The following PRDM16 variants were observed in gnomAD, a reference collection of about 807,000 sequenced individuals.
PRDM16 encodes PR/SET domain 16, also known as histone-lysine N-methyltransferase PRDM16.
Under a neutral mutation model 110.6 loss-of-function variants are expected in PRDM16, and 23 were observed. That is an observed-to-expected ratio of 0.21 (90% CI 0.15 to 0.29). The LOEUF (loss-of-function observed/expected upper bound fraction) is 0.29. Among genes scored for constraint, PRDM16 ranks in the 10% least tolerant of loss-of-function variants. PRDM16 has a pLI of 1.00. For synonymous variants in PRDM16, 799 were observed against 781.8 expected, an observed-to-expected ratio of 1.02 and a Z score of -0.37; for missense variants, 1,615 against 1,794.3, an observed-to-expected ratio of 0.90 and a Z score of 1.81.
Position 3,206,912 on chromosome 1 carries a change from C to T in PRDM16, c.387+20438C>T, listed in dbSNP as rs1291495816. On this transcript the variant is annotated intron_variant, in intron 2 of 16. Transcript: ENST00000270722. This position sits in a 1 kb window ranked among gnomAD's most constrained non-coding sequence, Gnocchi z 4.9. ...GATGAAAGGAGGAGGGGCGGTCGGCCCAGGAAGCAGGGCGGGCAGACGGCG... is the reference window on the plus strand; with the variant it reads ...GATGAAAGGAGGAGGGGCGGTCGGCTCAGGAAGCAGGGCGGGCAGACGGCG... 2.0e-5 allele frequency: 3 copies of T among 152,508 alleles called. No individual in the cohort carries two copies. In the East Asian group the frequency reaches 5.8e-4, roughly 29 times the overall value. The allele number at this position is 152,508 out of a possible 1,614,324, so 9.4% of individuals were successfully genotyped here.
At chr1:3,124,044 C>T (rs570417528) in intron 1 of PRDM16, among the ~76,000 whole-genome samples, 4 of 152,344 alleles carry the variant, frequency 2.6e-5, no homozygotes, top group South Asian at 2.1e-4. Context: ...CTCTCTCTGA[C>T]GCTGCCTTTG....
intron 3 of PRDM16, among the ~76,000 whole-genome samples, chr1:3,366,314 G>T (rs749965114): frequency 1.3e-5 from 2 of 152,228 alleles, no homozygotes; most frequent in African/African-American, 4.8e-5. Context: ...TCCGGGACGC[G>T]CTGATGTCCT....
intron 1 of PRDM16, among the ~76,000 whole-genome samples, chr1:3,158,125 A>C (rs1643872034): frequency 6.6e-6 from 1 of 152,188 alleles, no homozygotes; most frequent in South Asian, 2.1e-4. Context: ...TACCTGATAC[A>C]CGGTTGTGCC....
At position 3,353,040 on chromosome 1, in the gene PRDM16, G is replaced by T. The variant is rs1271361655; in HGVS notation, c.439-32112G>T. Among the ~76,000 whole-genome samples, 1 of 152,202 alleles carries T rather than the reference G, an allele frequency of 6.6e-6. No homozygotes were observed. The highest frequency in any genetic ancestry group is 1.5e-5 in the Non-Finnish European group (1 of 68,036). ...GGCTGTTTCAGAGCAGTGCCCTGAG[G>T]AGGACCAGGCCTGGGGCTCTGGAGC... On this transcript the variant is annotated intron_variant, in intron 3 of 16. Coordinates refer to ENST00000270722, the MANE Select transcript of PRDM16 (RefSeq NM_022114.4). This position sits in a 1 kb window ranked among gnomAD's most constrained non-coding sequence, Gnocchi z 5.4.
intron 4 of PRDM16, among the ~76,000 whole-genome samples, chr1:3,388,932 C>T (rs531338045): frequency 2.6e-5 from 4 of 152,314 alleles, no homozygotes; most frequent in South Asian, 2.1e-4. Context: ...AGTGTACTGG[C>T]GCTCTAGCTG....
intron 3 of PRDM16, among the ~76,000 whole-genome samples, chr1:3,334,967 C>T (rs1009537183): frequency 2.6e-5 from 4 of 152,210 alleles, no homozygotes; most frequent in African/African-American, 4.8e-5. Context: ...TGTGCCTGTA[C>T]GAACAGCAGC....
intron 1 of PRDM16, among the ~76,000 whole-genome samples, chr1:3,138,028 G>C (rs1293495117): frequency 6.6e-6 from 1 of 152,236 alleles, no homozygotes; most frequent in African/African-American, 2.4e-5. Flanking sequence ...CCAGGCAGGG[G>C]TGTCCTGCTG....
At chr1:3,315,846 G>A (rs779224381) in intron 3 of PRDM16, among the ~76,000 whole-genome samples, 15 of 152,282 alleles carry the variant, frequency 9.9e-5, no homozygotes, top group African/African-American at 2.6e-4. Flanking sequence ...GATTAGAGCC[G>A]GGCTCCGAGG....
At chr1:3,319,975 GCCATTGGCTA>G (rs1641702448) in intron 3 of PRDM16, among the ~76,000 whole-genome samples, 2 of 152,216 alleles carry the variant, frequency 1.3e-5, no homozygotes, top group African/African-American at 4.8e-5. Flanking sequence ...TAGTCAGCCA[GCCATTGGCTA>G]CACATGGTGG....
chr1:3,421,836 G>GTGTT (rs1239493213), intron 12 of PRDM16, among the ~76,000 whole-genome samples: 2 of 152,248 alleles, frequency 1.3e-5, no homozygotes, highest in African/African-American at 4.8e-5. Context: ...TGAATGAGCC[G>GTGTT]TGTTTGAGCA....
Position 3,165,409 on chromosome 1 carries a change from T to TGACTCACCTGGGCTCAGGGACAGG in PRDM16, c.38-20693_38-20692insGGACTCACCTGGGCTCAGGGACAG, listed in dbSNP as rs1643940606. Among the ~76,000 whole-genome samples the TGACTCACCTGGGCTCAGGGACAGG allele has an allele frequency of 2.5e-5, 2 of 79,018 alleles. 1 individual carries two copies. Among genetic ancestry groups the TGACTCACCTGGGCTCAGGGACAGG allele is most frequent in the African/African-American group, 1.1e-4 (2 of 17,634 alleles). The allele number at this position is 79,018 out of a possible 152,430, so 51.8% of individuals were successfully genotyped here. A position where few individuals can be genotyped will look rare whatever the true frequency, so the allele number is the denominator to read the frequency against. ...GGGACTCACCAGGGCTCAGGGACAGTGACTCACCTGGGCTCAGGGACAGTG... is the reference window on the plus strand; with the variant it reads ...GGGACTCACCAGGGCTCAGGGACAGTGACTCACCTGGGCTCAGGGACAGGGACTCACCTGGGCTCAGGGACAGTG... On this transcript the variant is annotated intron_variant, in intron 1 of 16. Transcript: ENST00000270722.
intron 10 of PRDM16, among the ~76,000 whole-genome samples, chr1:3,415,423 C>T (rs1208520652): frequency 6.6e-6 from 1 of 152,264 alleles, no homozygotes; most frequent in Non-Finnish European, 1.5e-5. Context: ...TTCTCTTTCT[C>T]GGCCTTCCCC....
intron 3 of PRDM16, among the ~76,000 whole-genome samples, chr1:3,326,074 G>A (rs1448544523): frequency 1.6e-5 from 1 of 62,166 alleles, no homozygotes; most frequent in Non-Finnish European, 3.1e-5. Flanking sequence ...GGCCATCCTC[G>A]ACCATCCTTG....
chr1:3,152,827 C>A (rs2100726793), intron 1 of PRDM16, among the ~76,000 whole-genome samples: 1 of 152,340 alleles, frequency 6.6e-6, no homozygotes, highest in African/African-American at 2.4e-5. Flanking sequence ...TCCCCGTCCT[C>A]AGGCAGGAGG....
At chr1:3,150,280 G>A (rs1259648117) in intron 1 of PRDM16, among the ~76,000 whole-genome samples, 1 of 152,040 alleles carries the variant, frequency 6.6e-6, no homozygotes, top group African/African-American at 2.4e-5. Flanking sequence ...TTGGGGCCGG[G>A]CATAGTGGGT....
At chr1:3,384,764 C>T (rs560699036) in intron 3 of PRDM16, among the ~76,000 whole-genome samples, 1 of 152,362 alleles carries the variant, frequency 6.6e-6, no homozygotes, top group East Asian at 1.9e-4. Context: ...TCTAGCGCAG[C>T]GTCCCAGCTC....
chr1:3,401,238 G>C (rs1294291187), intron 5 of PRDM16, among the ~76,000 whole-genome samples: 1 of 152,172 alleles, frequency 6.6e-6, no homozygotes, highest in African/African-American at 2.4e-5. Context: ...ACTCTAAAAG[G>C]CCTATGACCG....
chr1:3,339,639 T>A lies in PRDM16; in HGVS notation c.439-45513T>A, dbSNP rs1642231580. ...ACACCTCCCACCTTGCTCGTGAAGG[T>A]GACAGTCCTACTGCGGACCCCTGGC... On this transcript the variant is annotated intron_variant, in intron 3 of 16. Transcript: ENST00000270722. This position sits in a 1 kb window ranked among gnomAD's most constrained non-coding sequence, Gnocchi z 5.0. Among the ~76,000 whole-genome samples the A allele has an allele frequency of 6.6e-6, 1 of 151,992 alleles. No individual in the cohort carries two copies. The highest frequency in any genetic ancestry group is 2.4e-5 in the African/African-American group (1 of 41,384).
chr1:3,312,661 G>C (rs947444292), intron 3 of PRDM16, among the ~76,000 whole-genome samples: 1 of 152,266 alleles, frequency 6.6e-6, no homozygotes, highest in Non-Finnish European at 1.5e-5. Flanking sequence ...ACCCGGCCTC[G>C]GCCAAGCTGC....
Sources: gnomAD v4.1 joint callset for allele counts (sites outside exome capture counted in the v4.1 genomes callset) on GRCh38, gnomAD v4.1.1 for gene constraint, Gnocchi (gnomAD v3.1) non-coding constraint, MANE v1.5 for transcripts, NCBI Gene and HGNC (gene_info 2026-07-23, HGNC 2026-07-21) for gene names.